The following ADAMTSL1 variants were observed in gnomAD, a reference collection of about 807,000 sequenced individuals.
ADAMTSL1 encodes the protein ADAMTS-like protein 1.
Under a neutral mutation model 201.8 loss-of-function variants are expected in ADAMTSL1, and 126 were observed. That is an observed-to-expected ratio of 0.62 (90% CI 0.54 to 0.72). The LOEUF (loss-of-function observed/expected upper bound fraction) is 0.72, where lower values mean the gene tolerates loss of function less well. Among genes scored for constraint, ADAMTSL1 ranks in the 30% least tolerant of loss-of-function variants. ADAMTSL1 has a pLI of 0.00. For synonymous variants in ADAMTSL1, 1,121 were observed against 903.4 expected, an observed-to-expected ratio of 1.24 and a Z score of -4.32; for missense variants, 2,679 against 2,277.8, an observed-to-expected ratio of 1.18 and a Z score of -3.59.
Position 18,573,869 on chromosome 9 carries a change from A to G in ADAMTSL1, c.238-161A>G, listed in dbSNP as rs552316028. On this transcript the variant is annotated intron_variant, in intron 3 of 28. Coordinates refer to ENST00000380548, the MANE Select transcript of ADAMTSL1 (RefSeq NM_001040272.6). ...CAGATTTCTACATTTTGCAAGCCAA[A>G]TAATCATATAACCTCTAAGATGATA... Among the ~76,000 whole-genome samples the G allele has an allele frequency of 3.3e-5, 5 of 152,350 alleles. No homozygotes were observed. In the East Asian group the frequency reaches 9.6e-4, roughly 29 times the overall value.
chr9:18,574,469 A>AT, intron 4 of ADAMTSL1: 1 of 620,996 alleles, frequency 1.6e-6, no homozygotes, highest in East Asian at 2.7e-5. Context: ...GACTAGAGTT[A>AT]TTTTTCTTTC....
chr9:18,181,307 G>C (rs1351679567), intron 2 of ADAMTSL1, among the ~76,000 whole-genome samples: 1 of 152,140 alleles, frequency 6.6e-6, no homozygotes, highest in Non-Finnish European at 1.5e-5. Context: ...AAACTAAAGA[G>C]CTTCTGCACA....
At chr9:18,807,665 A>C (rs1318385425) in intron 20 of ADAMTSL1, among the ~76,000 whole-genome samples, 1 of 147,108 alleles carries the variant, frequency 6.8e-6, no homozygotes, top group Non-Finnish European at 1.5e-5. Context: ...AAAACAAAAA[A>C]AAAACAAAGC....
intron 2 of ADAMTSL1, among the ~76,000 whole-genome samples, chr9:18,421,109 G>A (rs1818924130): frequency 6.6e-6 from 1 of 152,210 alleles, no homozygotes; most frequent in African/African-American, 2.4e-5. Context: ...CAGAGGGTAA[G>A]AGAGGTCCCA....
chr9:18,751,024 G>A (rs1819440810), intron 15 of ADAMTSL1, among the ~76,000 whole-genome samples: 1 of 152,152 alleles, frequency 6.6e-6, no homozygotes, highest in African/African-American at 2.4e-5. Flanking sequence ...AGCCTTGGAA[G>A]TCACATAGCA....
rs146731781 is a variant in ADAMTSL1 at position 18,445,599 on chromosome 9, A to G, written c.208-59230A>G. On this transcript the variant is annotated intron_variant, in intron 2 of 29. Transcript: ENST00000680146. Reference sequence around the variant, plus strand: ...TGAAGACTTAAAAATATTGTGATAAACAAAGAGTTTACCAAATGTACACCA... The same window carrying G: ...TGAAGACTTAAAAATATTGTGATAAGCAAAGAGTTTACCAAATGTACACCA... 3.7e-4 allele frequency among the ~76,000 whole-genome samples: 57 copies of G among 152,266 alleles called. No individual in the cohort carries two copies. In the East Asian group the frequency reaches 0.01, roughly 27 times the overall value.
At chr9:18,170,794 A>G (rs1038034756) in intron 2 of ADAMTSL1, among the ~76,000 whole-genome samples, 4 of 152,230 alleles carry the variant, frequency 2.6e-5, no homozygotes, top group African/African-American at 7.2e-5. Flanking sequence ...GATGTGTCAC[A>G]TACAGATTCT....
Position 18,647,758 on chromosome 9 carries a change from G to T in ADAMTSL1, c.834+8347G>T, listed in dbSNP as rs1468527878. On this transcript the variant is annotated intron_variant, in intron 7 of 28. Coordinates refer to ENST00000380548, the MANE Select transcript of ADAMTSL1 (RefSeq NM_001040272.6). ...TGCACTGTGGTCTGAGAGACAGTTTGTTATAATTTCTGTTCTTTTACATTT... is the reference window on the plus strand; with the variant it reads ...TGCACTGTGGTCTGAGAGACAGTTTTTTATAATTTCTGTTCTTTTACATTT... Among the ~76,000 whole-genome samples, 7 of 151,870 alleles carry T rather than the reference G, an allele frequency of 4.6e-5. No individual in the cohort carries two copies. In the East Asian group the frequency reaches 1.4e-3, roughly 29 times the overall value.
At chr9:17,982,730 T>C (rs1437753095) in intron 1 of ADAMTSL1, among the ~76,000 whole-genome samples, 1 of 152,184 alleles carries the variant, frequency 6.6e-6, no homozygotes, top group Non-Finnish European at 1.5e-5. Context: ...TGTGTAACAC[T>C]GGGAGAGAAT....
At chr9:18,521,686 C>G (rs1474685793) in intron 2 of ADAMTSL1, among the ~76,000 whole-genome samples, 2 of 151,876 alleles carry the variant, frequency 1.3e-5, no homozygotes, top group African/African-American at 4.8e-5. Context: ...GGAGCAAGCC[C>G]CCTCAAAATA....
intron 3 of ADAMTSL1, among the ~76,000 whole-genome samples, chr9:18,542,629 G>C (rs1820217640): frequency 6.6e-6 from 1 of 152,138 alleles, no homozygotes; most frequent in African/African-American, 2.4e-5. Context: ...AGAGCCCTCA[G>C]TAGAAACCAA....
intron 4 of ADAMTSL1, among the ~76,000 whole-genome samples, chr9:18,595,908 C>T (rs1587669135): frequency 1.3e-5 from 2 of 152,192 alleles, no homozygotes; most frequent in Admixed American, 1.3e-4. Flanking sequence ...CAAAATGACC[C>T]TCCTAGGTCA....
At chr9:18,058,113 A>G (rs923698054) in intron 1 of ADAMTSL1, among the ~76,000 whole-genome samples, 2 of 152,248 alleles carry the variant, frequency 1.3e-5, no homozygotes, top group Non-Finnish European at 2.9e-5. Context: ...GGATAGATGG[A>G]AGAATGAATG....
intron 1 of ADAMTSL1, among the ~76,000 whole-genome samples, chr9:17,928,869 C>A (rs1490682674): frequency 6.6e-6 from 1 of 152,168 alleles, no homozygotes; most frequent in Non-Finnish European, 1.5e-5. Context: ...GTGTGTGGAG[C>A]AACAGACAAG....
rs531791251 is a variant in ADAMTSL1, at chr9:17,970,638, A to G, written c.87+63716A>G. 5.9e-5 allele frequency among the ~76,000 whole-genome samples: 9 copies of G among 152,022 alleles called. No homozygotes were observed. In the South Asian group the frequency reaches 1.9e-3, roughly 32 times the overall value. ...ATGACATTTTCCTTCTTTATTCTAC[A>G]TGTTCCTCCTTACCCTTTAAGTCTG... On this transcript the variant is annotated intron_variant, in intron 1 of 29. Transcript: ENST00000680146.
chr9:18,165,695 C>G (rs1375588275), intron 2 of ADAMTSL1, among the ~76,000 whole-genome samples: 1 of 151,828 alleles, frequency 6.6e-6, no homozygotes, highest in East Asian at 1.9e-4. Flanking sequence ...AAGAAAAGTT[C>G]AAAGTTTCTC....
chr9:18,215,127 G>T, intron 2 of ADAMTSL1, among the ~76,000 whole-genome samples: 1 of 152,190 alleles, frequency 6.6e-6, no homozygotes, highest in Non-Finnish European at 1.5e-5. Context: ...GTTACATTTT[G>T]TATAGCCAAT....
intron 2 of ADAMTSL1, among the ~76,000 whole-genome samples, chr9:18,458,799 G>A (rs1022391240): frequency 2.6e-5 from 4 of 152,062 alleles, no homozygotes; most frequent in African/African-American, 7.2e-5. Flanking sequence ...AAAAGAAAAC[G>A]CCAGAGTCAT....
intron 1 of ADAMTSL1, among the ~76,000 whole-genome samples, chr9:17,925,650 A>T (rs1340931693): frequency 2.2e-5 from 3 of 134,042 alleles, no homozygotes. Flanking sequence ...GTGGGAATTG[A>T]ACAATGAGAT....
Sources: allele counts gnomAD v4.1 joint callset (sites outside exome capture counted in the v4.1 genomes callset), GRCh38; gene constraint gnomAD v4.1.1; transcripts MANE v1.5; gene names NCBI Gene and HGNC (gene_info 2026-07-23, HGNC 2026-07-21).